The following TPGS2 variants were observed in gnomAD, a reference collection of about 807,000 sequenced individuals.
TPGS2 encodes polyglutamylase subunit 2.
In TPGS2, 26 loss-of-function variants were observed where a neutral mutation model predicts 31.1. The observed-to-expected ratio is 0.84, with a 90% CI of 0.61 to 1.16. The LOEUF (loss-of-function observed/expected upper bound fraction) is 1.16. Among genes scored for constraint, TPGS2 ranks in the 50% most tolerant of loss-of-function variants. The pLI is 0.00. For missense variants in TPGS2, 351 were observed against 363.8 expected, an observed-to-expected ratio of 0.96 and a Z score of 0.29; for synonymous variants, 130 against 136.6, an observed-to-expected ratio of 0.95 and a Z score of 0.34.
chr18:36,804,752 C>CA (rs2045025731), intron 4 of TPGS2, among the ~76,000 whole-genome samples: 1 of 152,226 alleles, frequency 6.6e-6, no homozygotes, highest in South Asian at 2.1e-4. Context: ...AGACCCCTGG[C>CA]AACCTGGGTT....
rs770745568 is a variant in TPGS2 at position 36,796,842 on chromosome 18, T to G, written c.866A>C (p.Lys289Thr). 1.1e-5 allele frequency: 18 copies of G among 1,605,984 alleles called. No homozygotes were observed. The highest frequency in any genetic ancestry group is 1.5e-5 in the Non-Finnish European group (18 of 1,177,582). Residue 289 changes from lysine to threonine, a missense_variant, in exon 7 of 7, where the codon AAA becomes ACA. Physicochemically the swap from Lys to Thr is moderately conservative, Grantham distance 78. Transcript: ENST00000334295. ...PSGPSTSSTS[K>T]SSSGSGNPTR... Reference sequence around the variant, plus strand: ...GGGGTTTCCAGAGCCAGAGGAGGATTTAGAAGTGGAGGAAGTGGAGGGACC... The same window carrying G: ...GGGGTTTCCAGAGCCAGAGGAGGATGTAGAAGTGGAGGAAGTGGAGGGACC...
intron 6 of TPGS2, among the ~76,000 whole-genome samples, chr18:36,797,469 G>A (rs539476015): frequency 6.7e-6 from 1 of 149,430 alleles, no homozygotes; most frequent in South Asian, 2.1e-4. Context: ...GGCTAGTGTG[G>A]GCCTCTGCTG....
At position 36,828,821 on chromosome 18, in the gene TPGS2, C is replaced by A; in HGVS notation, c.-54G>T. The stretch of plus-strand genomic sequence containing the variant: ...GGAGCGGGTGGAGGGCCGGACCCCG[C>A]CTCAGCGCCGAGGCCAATTTCATGG... On this transcript the variant is annotated 5_prime_UTR_variant, in exon 1 of 7. Coordinates refer to ENST00000334295, the MANE Select transcript of TPGS2 (RefSeq NM_015476.4). 6.3e-7 allele frequency: 1 copy of A among 1,595,198 alleles called. No individual in the cohort carries two copies. The highest frequency in any genetic ancestry group is 8.6e-7 in the Non-Finnish European group (1 of 1,168,824).
downstream of TPGS2, among the ~76,000 whole-genome samples, chr18:36,780,915 C>A (rs1319719278): frequency 1.3e-5 from 2 of 152,152 alleles, no homozygotes; most frequent in African/African-American, 2.4e-5. Context: ...CATCTGGCAG[C>A]ATAAATTGTT....
chr18:36,809,356 G>A (rs1181029514), intron 2 of TPGS2, among the ~76,000 whole-genome samples: 4 of 152,192 alleles, frequency 2.6e-5, no homozygotes, highest in Non-Finnish European at 5.9e-5. Flanking sequence ...GAGATTTTAA[G>A]CATGTTTTTA....
At chr18:36,791,142 G>T (rs572154139), downstream of TPGS2, among the ~76,000 whole-genome samples, 10 of 152,144 alleles carry the variant, frequency 6.6e-5, no homozygotes, top group African/African-American at 2.4e-4. Context: ...CATGTAAGAT[G>T]TGCCTGCTTC....
chr18:36,816,840 C>T (rs1335422786), intron 2 of TPGS2, among the ~76,000 whole-genome samples: 1 of 152,208 alleles, frequency 6.6e-6, no homozygotes, highest in East Asian at 1.9e-4. Flanking sequence ...AACTCCTGAC[C>T]TCGTGATCTG....
intron 2 of TPGS2, among the ~76,000 whole-genome samples, chr18:36,812,615 T>C (rs1023071229): frequency 2.0e-5 from 3 of 152,188 alleles, no homozygotes; most frequent in Non-Finnish European, 2.9e-5. Context: ...GTTAAGTAAG[T>C]GTTCCTCTGA....
At chr18:36,781,893 T>C, downstream of TPGS2, 2 of 985,450 alleles carry the variant, frequency 2.0e-6, no homozygotes, top group South Asian at 9.4e-5. Flanking sequence ...GAGTTGGGTC[T>C]GTACATTATA....
rs919277214 is a variant in TPGS2 at position 36,823,460 on chromosome 18, G to GTTTTTTTTTT, written c.86-4497_86-4488dup. 1.3e-3 allele frequency among the ~76,000 whole-genome samples: 141 copies of GTTTTTTTTTT among 108,084 alleles called. 13 individuals carry two copies. The highest frequency in any genetic ancestry group is 3.9e-3 in the African/African-American group (103 of 26,124). The allele number at this position is 108,084 out of a possible 152,430, so 70.9% of individuals were successfully genotyped here. A position where few individuals can be genotyped will look rare whatever the true frequency, so the allele number is the denominator to read the frequency against. ...TCTCTGACTTCCTTGTTAACAGCTTGTTTTTTTTTTTTTTTTTTGAGACGG... is the reference window on the plus strand; with the variant it reads ...TCTCTGACTTCCTTGTTAACAGCTTGTTTTTTTTTTTTTTTTTTTTTTTTTTTTGAGACGG... On this transcript the variant is annotated intron_variant, in intron 1 of 6. Coordinates refer to ENST00000334295, the MANE Select transcript of TPGS2 (RefSeq NM_015476.4).
chr18:36,824,737 T>C (rs934122741), intron 1 of TPGS2, among the ~76,000 whole-genome samples: 64 of 152,380 alleles, frequency 4.2e-4, no homozygotes, highest in Admixed American at 3.5e-3. Context: ...AAGAGTTCTT[T>C]GCAGATCTGT....
chr18:36,806,264 G>A (rs2045128805), intron 3 of TPGS2, among the ~76,000 whole-genome samples: 1 of 152,106 alleles, frequency 6.6e-6, no homozygotes, highest in South Asian at 2.1e-4. Flanking sequence ...AAGAAGACTG[G>A]GCTTGGGGAG....
At chr18:36,806,920 T>G (rs1260816460) in intron 3 of TPGS2, among the ~76,000 whole-genome samples, 4 of 147,696 alleles carry the variant, frequency 2.7e-5, no homozygotes, top group Non-Finnish European at 5.9e-5. Context: ...CAGGAAGGCT[T>G]TGGAAATCAC....
intron 2 of TPGS2, among the ~76,000 whole-genome samples, chr18:36,812,944 G>A (rs904644347): frequency 1.3e-5 from 2 of 152,150 alleles, no homozygotes; most frequent in African/African-American, 4.8e-5. Flanking sequence ...TGATTGTTGC[G>A]GAGTAACAGG....
intron 4 of TPGS2, among the ~76,000 whole-genome samples, chr18:36,804,449 C>G (rs2045008834): frequency 6.6e-6 from 1 of 152,142 alleles, no homozygotes; most frequent in African/African-American, 2.4e-5. Context: ...GACAGTGAGA[C>G]CTTTTTCCTA....
intron 6 of TPGS2, among the ~76,000 whole-genome samples, chr18:36,797,795 T>A (rs1418312607): frequency 6.6e-6 from 1 of 151,844 alleles, no homozygotes; most frequent in African/African-American, 2.4e-5. Flanking sequence ...CAAACCAGGT[T>A]GTATACCTGG....
chr18:36,827,445 A>G (rs1052774639), intron 1 of TPGS2, among the ~76,000 whole-genome samples: 5 of 152,224 alleles, frequency 3.3e-5, no homozygotes, highest in African/African-American at 1.2e-4. Context: ...AGAGAAAGAT[A>G]ATTCCAGGTG....
intron 2 of TPGS2, among the ~76,000 whole-genome samples, chr18:36,812,958 G>A (rs2045496167): frequency 6.6e-6 from 1 of 152,154 alleles, no homozygotes; most frequent in South Asian, 2.1e-4. Context: ...TAACAGGAGA[G>A]GAAAAACAGT....
downstream of TPGS2, chr18:36,790,046 A>G (rs1338963073): frequency 6.6e-6 from 1 of 152,300 alleles, no homozygotes; most frequent in Non-Finnish European, 1.5e-5. Flanking sequence ...TCTTGTCCAC[A>G]AAGGAGAATT....
Sources: allele counts gnomAD v4.1 joint callset (sites outside exome capture counted in the v4.1 genomes callset), GRCh38; gene constraint gnomAD v4.1.1; transcripts MANE v1.5; gene names NCBI Gene and HGNC (gene_info 2026-07-23, HGNC 2026-07-21).